Variants in DSCAML1 observed in about 807,000 individuals in gnomAD.
DSCAML1 encodes DS cell adhesion molecule like 1, also known as cell adhesion molecule DSCAML1.
In DSCAML1, 38 loss-of-function variants were observed where a neutral mutation model predicts 200.5. The observed-to-expected ratio is 0.19, with a 90% CI of 0.15 to 0.25. The LOEUF (loss-of-function observed/expected upper bound fraction) is 0.25. DSCAML1 is among the 10% of genes least tolerant of loss of function. The pLI is 1.00. For synonymous variants in DSCAML1, 1,215 were observed against 1,165.0 expected (o/e 1.04, Z -0.87); for missense variants, 2,223 against 2,858.8 (o/e 0.78, Z 5.07).
Position 117,439,322 on chromosome 11 carries a change from C to A in DSCAML1, c.4088G>T (p.Cys1363Phe), listed in dbSNP as rs1288205231. Reference sequence around the variant, plus strand: ...AAAGCCACCAGTGTTGGTGGCCGTGCACGTGTAGTAGCCAGAGTCCTCAGC... The same window carrying A: ...AAAGCCACCAGTGTTGGTGGCCGTGAACGTGTAGTAGCCAGAGTCCTCAGC... ...VKAEDSGYYT[C>F]TATNTGGFDT... is the part of the protein sequence containing the mutation. Residue 1363 changes from cysteine (C) to phenylalanine (F), a missense_variant, in exon 23 of 33, where the codon TGC becomes TTC. Cys to Phe is a radical substitution (Grantham distance 205). Coordinates refer to ENST00000651296, the MANE Select transcript of DSCAML1 (RefSeq NM_020693.4). 6.2e-7 allele frequency: 1 copy of A among 1,614,078 alleles called. No individual in the cohort carries two copies. Among genetic ancestry groups the A allele is most frequent in the East Asian group, 2.2e-5 (1 of 44,880 alleles).
intron 3 of DSCAML1, among the ~76,000 whole-genome samples, chr11:117,533,830 C>T (rs2050122435): frequency 6.6e-6 from 1 of 152,190 alleles, no homozygotes; most frequent in Non-Finnish European, 1.5e-5. Context: ...TTGCACTAGA[C>T]TCCCTAAGCT....
intron 4 of DSCAML1, among the ~76,000 whole-genome samples, chr11:117,531,169 C>G (rs2050070444): frequency 6.6e-6 from 1 of 152,184 alleles, no homozygotes; most frequent in South Asian, 2.1e-4. Flanking sequence ...GAGCGCCTCT[C>G]TGTGACCTCA....
At chr11:117,497,843 C>A (rs142315280) in intron 11 of DSCAML1, among the ~76,000 whole-genome samples, 11 of 152,182 alleles carry the variant, frequency 7.2e-5, no homozygotes, top group Non-Finnish European at 1.3e-4. Context: ...CCCAGGCCAG[C>A]GTAACTCAGC....
intron 3 of DSCAML1, among the ~76,000 whole-genome samples, chr11:117,558,948 G>A (rs544428176): frequency 1.3e-5 from 2 of 152,282 alleles, no homozygotes; most frequent in East Asian, 1.9e-4. Flanking sequence ...AGGGCCAGGT[G>A]GTGGTGCCAA....
chr11:117,513,009 C>A (rs2049674866), intron 8 of DSCAML1, among the ~76,000 whole-genome samples: 1 of 152,136 alleles, frequency 6.6e-6, no homozygotes, highest in African/African-American at 2.4e-5. Context: ...CCGCTGCACC[C>A]GTTATTATTT....
chr11:117,578,782 A>T (rs11606425), intron 3 of DSCAML1, among the ~76,000 whole-genome samples: 50,134 of 151,988 alleles, frequency 0.33, 8,584 homozygotes, highest in African/African-American at 0.36. Flanking sequence ...CCATATGCCA[A>T]TGGCTTCCCA....
intron 3 of DSCAML1, among the ~76,000 whole-genome samples, chr11:117,719,631 A>T (rs1439872513): frequency 6.6e-6 from 1 of 152,190 alleles, no homozygotes; most frequent in East Asian, 1.9e-4. Context: ...TGTCTTTACA[A>T]CTCAATTATT....
At position 117,498,859 on chromosome 11, in the gene DSCAML1, C is replaced by A. The variant is rs112057030; in HGVS notation, c.2359+4986G>T. Among the ~76,000 whole-genome samples the A allele has an allele frequency of 5.7e-4, 85 of 150,112 alleles. No individual in the cohort carries two copies. Among genetic ancestry groups the A allele is most frequent in the African/African-American group, 2.0e-3 (81 of 41,360 alleles). On this transcript the variant is annotated intron_variant, in intron 11 of 32. Transcript: ENST00000651296. This position sits in a 1 kb window ranked among gnomAD's most constrained non-coding sequence, Gnocchi z 4.0. ...CTGACATTTTGCTAAACAAATAAATCAAAACTCAGACCAAACAAAGAGCCC... is the reference window on the plus strand; with the variant it reads ...CTGACATTTTGCTAAACAAATAAATAAAAACTCAGACCAAACAAAGAGCCC...
chr11:117,742,329 G>C (rs906611322), intron 3 of DSCAML1, among the ~76,000 whole-genome samples: 1 of 152,136 alleles, frequency 6.6e-6, no homozygotes, highest in Non-Finnish European at 1.5e-5. Flanking sequence ...ATCTAGTGAT[G>C]ACAGGACAAA....
intron 14 of DSCAML1, 124 bp from the exon 15 acceptor site, chr11:117,472,160 CAG>C: frequency 9.5e-7 from 1 of 1,055,546 alleles, no homozygotes; most frequent in South Asian, 1.6e-5. Flanking sequence ...ACACAGACTG[CAG>C]AGAGGGCACA....
intron 3 of DSCAML1, among the ~76,000 whole-genome samples, chr11:117,581,909 TG>T (rs2051046253): frequency 6.6e-6 from 1 of 152,198 alleles, no homozygotes; most frequent in Non-Finnish European, 1.5e-5. Flanking sequence ...TTCTTGTCCC[TG>T]ATCTCATCCT....
At chr11:117,506,538 A>T (rs2049500803) in intron 8 of DSCAML1, among the ~76,000 whole-genome samples, 1 of 150,402 alleles carries the variant, frequency 6.6e-6, no homozygotes, top group African/African-American at 2.5e-5. Flanking sequence ...GACAAGAGAC[A>T]AGAGATAACT....
chr11:117,618,581 G>A (rs947739740), intron 3 of DSCAML1, among the ~76,000 whole-genome samples: 2 of 151,914 alleles, frequency 1.3e-5, no homozygotes, highest in African/African-American at 4.8e-5. Context: ...TCAGAATAGT[G>A]CTGCAAAAAA....
Position 117,489,890 on chromosome 11 carries a change from T to G in DSCAML1, c.2360-7728A>C, listed in dbSNP as rs1273058641. Among the ~76,000 whole-genome samples the G allele has an allele frequency of 6.6e-6, 1 of 152,226 alleles. No homozygotes were observed. Among genetic ancestry groups the G allele is most frequent in the Non-Finnish European group, 1.5e-5 (1 of 68,040 alleles). On this transcript the variant is annotated intron_variant, in intron 11 of 32. Coordinates refer to ENST00000651296, the MANE Select transcript of DSCAML1 (RefSeq NM_020693.4). The surrounding 1 kb of genome is among the most constrained non-coding windows in gnomAD (Gnocchi z 4.8). Reference sequence around the variant, plus strand: ...GCAGAAGCATCTCTATTCCAGGGCTTAGCTCGTGTTTGTGGAAAGGAGAGC... The same window carrying G: ...GCAGAAGCATCTCTATTCCAGGGCTGAGCTCGTGTTTGTGGAAAGGAGAGC...
rs946606061 is a variant in DSCAML1 at position 117,705,746 on chromosome 11, C to T, written c.511+71045G>A. Among the ~76,000 whole-genome samples the T allele has an allele frequency of 2.4e-4, 36 of 152,356 alleles. 1 individual carries two copies. Among genetic ancestry groups the T allele is most frequent in the African/African-American group, 8.4e-4 (35 of 41,590 alleles). On this transcript the variant is annotated intron_variant, in intron 3 of 32. Transcript: ENST00000651296. Reference sequence around the variant, plus strand: ...CTCCCAGAGCCTCATAATGCTTGATCTCTGTAGCACTGAAGTTTGGGATTC... The same window carrying T: ...CTCCCAGAGCCTCATAATGCTTGATTTCTGTAGCACTGAAGTTTGGGATTC...
intron 1 of DSCAML1, among the ~76,000 whole-genome samples, chr11:117,796,378 G>C (rs574183667): frequency 1.3e-5 from 2 of 152,358 alleles, no homozygotes; most frequent in South Asian, 2.1e-4. Context: ...GCACCAAGCC[G>C]GGGCTAAAGC....
At chr11:117,809,902 C>CTCACACACACAT (rs1491499607) in intron 1 of DSCAML1, among the ~76,000 whole-genome samples, 20 of 149,514 alleles carry the variant, frequency 1.3e-4, no homozygotes, top group African/African-American at 4.6e-4. Context: ...CACCCACACA[C>CTCACACACACAT]TCACACACAC....
At chr11:117,745,000 A>C (rs1397351662) in intron 3 of DSCAML1, among the ~76,000 whole-genome samples, 1 of 125,726 alleles carries the variant, frequency 8.0e-6, no homozygotes, top group Non-Finnish European at 1.7e-5. Flanking sequence ...TGACAGCCGC[A>C]GTGATTACCA....
chr11:117,520,552 T>G (rs1427249843), intron 6 of DSCAML1, among the ~76,000 whole-genome samples: 1 of 151,908 alleles, frequency 6.6e-6, no homozygotes, highest in Admixed American at 6.6e-5. Flanking sequence ...GCTCTGTCCC[T>G]TGGGCAGAGC....
Sources: allele counts gnomAD v4.1 joint callset (sites outside exome capture counted in the v4.1 genomes callset), GRCh38; gene constraint gnomAD v4.1.1; non-coding constraint Gnocchi (gnomAD v3.1); transcripts MANE v1.5; gene names NCBI Gene and HGNC (gene_info 2026-07-23, HGNC 2026-07-21).